Variants in VWA3B observed in about 807,000 individuals in gnomAD.
VWA3B encodes von Willebrand factor A domain-containing protein 3B.
Under a neutral mutation model 158.3 loss-of-function variants are expected in VWA3B, and 138 were observed. The observed-to-expected ratio is 0.87, with a 90% CI of 0.76 to 1.00. The LOEUF is 1.00. Among genes scored for constraint, VWA3B ranks in the 50% least tolerant of loss-of-function variants. VWA3B has a pLI of 0.00. For synonymous variants in VWA3B, 596 were observed against 587.3 expected (o/e 1.01, Z -0.21); for missense variants, 1,555 against 1,565.1 (o/e 0.99, Z 0.11).
intron 8 of VWA3B, among the ~76,000 whole-genome samples, chr2:98,170,178 C>T (rs1224507503): frequency 2.0e-5 from 3 of 152,074 alleles, no homozygotes; most frequent in Non-Finnish European, 4.4e-5. Context: ...AGAATTTGTC[C>T]AAAGCTTGAC....
At chr2:98,090,621 C>T (rs1682212722) in intron 1 of VWA3B, among the ~76,000 whole-genome samples, 1 of 152,108 alleles carries the variant, frequency 6.6e-6, no homozygotes, top group Non-Finnish European at 1.5e-5. Flanking sequence ...GCAATATTCT[C>T]CTCAAATTGA....
At chr2:98,108,514 A>G (rs1649917028) in intron 2 of VWA3B, among the ~76,000 whole-genome samples, 1 of 152,052 alleles carries the variant, frequency 6.6e-6, no homozygotes, top group Non-Finnish European at 1.5e-5. Flanking sequence ...TTTGTTGCAA[A>G]TATTTTGCAG....
intron 3 of VWA3B, among the ~76,000 whole-genome samples, chr2:98,119,056 G>C (rs1484279441): frequency 6.6e-6 from 1 of 152,224 alleles, no homozygotes; most frequent in East Asian, 1.9e-4. Flanking sequence ...AGGATGTGTA[G>C]CTGGGATGGC....
chr2:98,311,134 TG>T (rs1690865473), intron 26 of VWA3B, among the ~76,000 whole-genome samples: 1 of 152,168 alleles, frequency 6.6e-6, no homozygotes, highest in South Asian at 2.1e-4. Flanking sequence ...CATTAGGCAG[TG>T]GGTGTCCTTA....
intron 10 of VWA3B, among the ~76,000 whole-genome samples, chr2:98,190,369 TA>T (rs1681475634): frequency 6.6e-6 from 1 of 152,222 alleles, no homozygotes; most frequent in African/African-American, 2.4e-5. Context: ...CATTACACAA[TA>T]CATTCTAAAC....
chr2:98,216,614 C>T (rs1479142816), intron 13 of VWA3B: 5 of 434,936 alleles, frequency 1.1e-5, no homozygotes, highest in Non-Finnish European at 2.4e-5. Context: ...GTGTGTGGAG[C>T]CCTGGCTGCA....
chr2:98,188,299 A>C (rs896349851), intron 10 of VWA3B, among the ~76,000 whole-genome samples, 170 bp downstream of exon 10: 1 of 152,226 alleles, frequency 6.6e-6, no homozygotes, highest in Non-Finnish European at 1.5e-5. Flanking sequence ...AGATCAAATC[A>C]GGGTAACTCA....
At chr2:98,176,753 A>G (rs1680049100) in intron 8 of VWA3B, among the ~76,000 whole-genome samples, 1 of 152,182 alleles carries the variant, frequency 6.6e-6, no homozygotes, top group Non-Finnish European at 1.5e-5. Flanking sequence ...TTCCCCTAAG[A>G]AAGTCTTACA....
chr2:98,279,662 G>C (rs188649786), intron 22 of VWA3B, among the ~76,000 whole-genome samples: 1 of 152,204 alleles, frequency 6.6e-6, no homozygotes, highest in East Asian at 1.9e-4. Context: ...GCAGGAAGCT[G>C]TTATCATCCC....
intron 12 of VWA3B, chr2:98,207,716 G>A: frequency 5.0e-6 from 2 of 397,464 alleles, no homozygotes; most frequent in South Asian, 2.2e-5. Flanking sequence ...TACGCTGGCT[G>A]AAGAGCACTT....
chr2:98,318,273 A>G (rs866479345), downstream of VWA3B, among the ~76,000 whole-genome samples: 12 of 152,352 alleles, frequency 7.9e-5, no homozygotes, highest in Middle Eastern at 3.4e-3. Flanking sequence ...ATGTATGTGT[A>G]TGTTTATTTC....
At chr2:98,221,970 C>A (rs952745206) in intron 14 of VWA3B, among the ~76,000 whole-genome samples, 1 of 152,164 alleles carries the variant, frequency 6.6e-6, no homozygotes, top group Non-Finnish European at 1.5e-5. Flanking sequence ...GGAAAGGCCA[C>A]GCTCTGCTTT....
intron 8 of VWA3B, among the ~76,000 whole-genome samples, chr2:98,176,807 T>G (rs1197790920): frequency 1.3e-5 from 2 of 152,172 alleles, no homozygotes; most frequent in Non-Finnish European, 2.9e-5. Context: ...CCTTTCAAGC[T>G]CCCCAAACTT....
chr2:98,215,112 G>A (rs1683862765), intron 13 of VWA3B, among the ~76,000 whole-genome samples: 1 of 152,104 alleles, frequency 6.6e-6, no homozygotes, highest in South Asian at 2.1e-4. Flanking sequence ...GATTCTGAAG[G>A]TCTACTCAAA....
intron 7 of VWA3B, among the ~76,000 whole-genome samples, chr2:98,155,770 C>G (rs1242589264): frequency 1.3e-5 from 2 of 152,056 alleles, no homozygotes; most frequent in Non-Finnish European, 2.9e-5. Context: ...AAGATGGTGT[C>G]GGGGGTTCCC....
intron 23 of VWA3B, among the ~76,000 whole-genome samples, chr2:98,295,298 T>TA (rs1335598491): frequency 2.0e-5 from 3 of 151,806 alleles, no homozygotes; most frequent in Non-Finnish European, 4.4e-5. Flanking sequence ...GCCAAAGGTT[T>TA]AAAAAAAAGA....
intron 12 of VWA3B, among the ~76,000 whole-genome samples, chr2:98,200,205 T>G (rs1184415040): frequency 6.6e-6 from 1 of 152,184 alleles, no homozygotes; most frequent in Admixed American, 6.5e-5. Flanking sequence ...GTTGTTTGTT[T>G]TCTTAAGATT....
chr2:98,202,061 T>A (rs1682589177), intron 12 of VWA3B, among the ~76,000 whole-genome samples: 1 of 152,192 alleles, frequency 6.6e-6, no homozygotes, highest in South Asian at 2.1e-4. Context: ...ATATTCTTTT[T>A]TTCTAAAAAA....
chr2:98,297,366 G>A (rs1442358237), intron 23 of VWA3B, among the ~76,000 whole-genome samples: 1 of 152,198 alleles, frequency 6.6e-6, no homozygotes, highest in African/African-American at 2.4e-5. Context: ...ACAGGTGTGA[G>A]CCACCACGCC....
Sources: gnomAD v4.1 joint callset for allele counts (sites outside exome capture counted in the v4.1 genomes callset) on GRCh38, gnomAD v4.1.1 for gene constraint, MANE v1.5 for transcripts, NCBI Gene and HGNC (gene_info 2026-07-23, HGNC 2026-07-21) for gene names.